The following ELOC variants were observed in gnomAD, a reference collection of about 807,000 sequenced individuals.
The protein encoded by ELOC is elongin-C.
For missense variants in ELOC, 38 were observed against 139.0 expected (o/e 0.27, Z 3.65); for synonymous variants, 40 against 51.3 (o/e 0.78, Z 0.94).
At chr8:73,963,330 A>T (rs10504552) in intron 1 of ELOC, among the ~76,000 whole-genome samples, 47,073 of 152,032 alleles carry the variant, frequency 0.31, 7,514 homozygotes, top group Admixed American at 0.39. Context: ...GCTACATGAA[A>T]TTCTAGACTA....
intron 1 of ELOC, among the ~76,000 whole-genome samples, chr8:73,965,053 A>AC (rs1554596588): frequency 1.3e-5 from 2 of 148,644 alleles, no homozygotes; most frequent in African/African-American, 2.5e-5. Flanking sequence ...AAAAAAAAAA[A>AC]CTCTCAAAAA....
chr8:73,968,845 T>C (rs1413471612), intron 1 of ELOC, among the ~76,000 whole-genome samples: 1 of 152,232 alleles, frequency 6.6e-6, no homozygotes, highest in Non-Finnish European at 1.5e-5. Context: ...CTTGGTCACA[T>C]GGTCAATTTT....
Position 73,946,708 on chromosome 8 carries a change from G to A in ELOC, c.261C>T (p.Ser87=). Residue 87 remains serine, a synonymous_variant, in exon 4 of 4, where the codon TCC becomes TCT. Coordinates refer to ENST00000520242, the MANE Select transcript of ELOC (RefSeq NM_005648.4). ...CAATTGGGAATTCAGGAATCTCGGTGGAGCTGTTAGTGTAGCGAACCTTGT... is the reference window on the plus strand; with the variant it reads ...CAATTGGGAATTCAGGAATCTCGGTAGAGCTGTTAGTGTAGCGAACCTTGT... ...FTYKVRYTNS[S]TEIPEFPIAP... is the part of the protein sequence containing the mutation. 6.2e-7 allele frequency: 1 copy of A among 1,612,928 alleles called. No individual in the cohort carries two copies. The highest frequency in any genetic ancestry group is 8.5e-7 in the Non-Finnish European group (1 of 1,179,652).
At chr8:73,967,456 T>C (rs147998211) in intron 1 of ELOC, among the ~76,000 whole-genome samples, 2 of 148,734 alleles carry the variant, frequency 1.3e-5, no homozygotes, top group African/African-American at 2.4e-5. Context: ...ACATTTTATA[T>C]AATTTTCTTT....
intron 3 of ELOC, among the ~76,000 whole-genome samples, chr8:73,951,268 G>A (rs1813738467): frequency 6.6e-6 from 1 of 152,020 alleles, no homozygotes; most frequent in African/African-American, 2.4e-5. Context: ...CGAAAGACTG[G>A]CAAAATGTTA....
Position 73,959,745 on chromosome 8 carries a change from ATTAAT to A in ELOC, c.4+15_4+19del. On this transcript the variant is annotated intron_variant, in intron 2 of 3. Coordinates refer to ENST00000520242, the MANE Select transcript of ELOC (RefSeq NM_005648.4). Reference sequence around the variant, plus strand: ...CAGTTTCTACTAGTTAAAACACAAAATTAATTATCTTTAGCTTACCCATTTTGTTC... The same window carrying A: ...CAGTTTCTACTAGTTAAAACACAAAATATCTTTAGCTTACCCATTTTGTTC... 1 of 1,549,544 alleles carries A rather than the reference ATTAAT, an allele frequency of 6.5e-7. No homozygotes were observed. The highest frequency in any genetic ancestry group is 8.7e-7 in the Non-Finnish European group (1 of 1,149,882).
chr8:73,956,827 C>T (rs958684234), intron 2 of ELOC, among the ~76,000 whole-genome samples: 6 of 152,148 alleles, frequency 3.9e-5, no homozygotes, highest in African/African-American at 1.4e-4. Context: ...CTCAGCATTT[C>T]ACACTTGATG....
chr8:73,968,244 C>A (rs1019594293), intron 1 of ELOC, among the ~76,000 whole-genome samples: 3 of 152,118 alleles, frequency 2.0e-5, no homozygotes, highest in African/African-American at 7.2e-5. Flanking sequence ...TCAATTATGT[C>A]CAAAAGTCCA....
chr8:73,955,266 C>G (rs1586601539), intron 3 of ELOC, among the ~76,000 whole-genome samples: 1 of 152,088 alleles, frequency 6.6e-6, no homozygotes, highest in East Asian at 1.9e-4. Flanking sequence ...GTCAGGAGTT[C>G]AAGACCAGCC....
At position 73,955,287 on chromosome 8, in the gene ELOC, G is replaced by A. The variant is rs1337893165; in HGVS notation, c.148+624C>T. ...AGTTCAAGACCAGCCTGGCCAACAT[G>A]GTGAAACCCCATCTCTACTAAAAAT... On this transcript the variant is annotated intron_variant, in intron 3 of 3. Transcript: ENST00000520242. Among the ~76,000 whole-genome samples the A allele has an allele frequency of 2.6e-5, 4 of 151,486 alleles. No homozygotes were observed. In the South Asian group the frequency reaches 8.4e-4, roughly 32 times the overall value.
intron 3 of ELOC, among the ~76,000 whole-genome samples, chr8:73,950,106 A>T (rs990017523): frequency 1.3e-5 from 2 of 150,352 alleles, no homozygotes; most frequent in Non-Finnish European, 2.9e-5. Flanking sequence ...TTTTGGAGAA[A>T]CAGCTGTTTT....
Position 73,961,467 on chromosome 8 carries a change from T to C in ELOC, c.-50-1649A>G, listed in dbSNP as rs75792847. ...CAGGAGCAGAAATCAAATCTTAGTC[T>C]AGAACACTTGCTAGGCATGGAGACA... On this transcript the variant is annotated intron_variant, in intron 1 of 3. Coordinates refer to ENST00000520242, the MANE Select transcript of ELOC (RefSeq NM_005648.4). Among the ~76,000 whole-genome samples the C allele has an allele frequency of 3.0e-4, 46 of 152,088 alleles. 2 individuals are homozygous for C. In the East Asian group the frequency reaches 8.7e-3, roughly 29 times the overall value.
At chr8:73,952,278 C>A (rs1813822553) in intron 3 of ELOC, among the ~76,000 whole-genome samples, 2 of 151,988 alleles carry the variant, frequency 1.3e-5, no homozygotes, top group South Asian at 4.2e-4. Flanking sequence ...GTGGTGGGCA[C>A]CTGTAATCCC....
At chr8:73,951,037 G>A (rs1586593736) in intron 3 of ELOC, among the ~76,000 whole-genome samples, 1 of 152,182 alleles carries the variant, frequency 6.6e-6, no homozygotes, top group African/African-American at 2.4e-5. Context: ...TTGGGAGGCC[G>A]AGGCAGGTGG....
At chr8:73,971,022 G>A (rs147357283) in intron 1 of ELOC, among the ~76,000 whole-genome samples, 2,348 of 80,142 alleles carry the variant, frequency 0.029, 57 homozygotes, top group Non-Finnish European at 0.046. Context: ...GACAGAGCGA[G>A]ACTCCGTCTC....
At chr8:73,948,830 C>G (rs1202956032) in intron 3 of ELOC, among the ~76,000 whole-genome samples, 1 of 140,076 alleles carries the variant, frequency 7.1e-6, no homozygotes, top group Non-Finnish European at 1.5e-5. Context: ...GAGACCCTGT[C>G]ACTCACAAGC....
intron 3 of ELOC, among the ~76,000 whole-genome samples, chr8:73,952,837 A>G (rs2131090872): frequency 6.6e-6 from 1 of 152,192 alleles, no homozygotes; most frequent in East Asian, 1.9e-4. Flanking sequence ...ATAAGGGTCT[A>G]CTACTGAGAA....
intron 2 of ELOC, among the ~76,000 whole-genome samples, chr8:73,957,423 CAG>C (rs1814268804): frequency 1.3e-5 from 2 of 151,960 alleles, no homozygotes; most frequent in African/African-American, 4.8e-5. Context: ...TGTACTGTAA[CAG>C]AATTTTAATT....
At chr8:73,957,980 T>C (rs1313693728) in intron 2 of ELOC, among the ~76,000 whole-genome samples, 4 of 152,148 alleles carry the variant, frequency 2.6e-5, no homozygotes, top group Admixed American at 1.3e-4. Flanking sequence ...TTTCACCATG[T>C]TGGTCAGGAT....
Sources: gnomAD v4.1 joint callset for allele counts (sites outside exome capture counted in the v4.1 genomes callset) on GRCh38, gnomAD v4.1.1 for gene constraint, MANE v1.5 for transcripts, NCBI Gene and HGNC (gene_info 2026-07-23, HGNC 2026-07-21) for gene names.